The following ALG12 variants were observed in gnomAD, a reference collection of about 807,000 sequenced individuals.
The protein encoded by ALG12 is dol-P-Man:Man(7)GlcNAc(2)-PP-Dol alpha-1,6-mannosyltransferase.
A neutral mutation model predicts 46.0 loss-of-function variants in ALG12; 36 were observed. That is an observed-to-expected ratio of 0.78 (90% confidence interval 0.60 to 1.03). The LOEUF (loss-of-function observed/expected upper bound fraction) is 1.03. ALG12 is among the 50% of genes least tolerant of loss of function. The probability of loss-of-function intolerance (pLI) is 0.00; values close to 1 mark genes in which losing one functional copy is unlikely to be tolerated. For synonymous variants in ALG12, 326 were observed against 291.6 expected, an observed-to-expected ratio of 1.12 and a Z score of -1.20; for missense variants, 599 against 633.5, an observed-to-expected ratio of 0.95 and a Z score of 0.58.
the ALG12 span, among the ~76,000 whole-genome samples, chr22:49,891,406 T>G: frequency 6.6e-6 from 1 of 152,230 alleles, no homozygotes. Flanking sequence ...TTGGCTATTG[T>G]TCTGTTAATC....
At chr22:49,888,561 C>G in the ALG12 span, 3 of 167,264 alleles carry the variant, frequency 1.8e-5, no homozygotes, top group African/African-American at 7.2e-5. Flanking sequence ...TAACCCCAGA[C>G]AGGGCTCCAG....
At chr22:49,872,425 A>G in the ALG12 span, among the ~76,000 whole-genome samples, 1 of 152,116 alleles carries the variant, frequency 6.6e-6, no homozygotes, top group Admixed American at 6.5e-5. Context: ...TCCTCCATTG[A>G]AGTCTGAGCC....
chr22:49,898,530 C>T (rs9627785), downstream of ALG12, among the ~76,000 whole-genome samples: 5 of 151,854 alleles, frequency 3.3e-5, no homozygotes, highest in African/African-American at 1.2e-4. Flanking sequence ...CCTGGGATTA[C>T]AGGTGCCCGC....
chr22:49,887,626 C>G, the ALG12 span: 1 of 172,124 alleles, frequency 5.8e-6, no homozygotes, highest in African/African-American at 2.4e-5. Flanking sequence ...CAAATGAAAT[C>G]TGTAAATAGG....
chr22:49,909,184 C>G, intron 6 of ALG12, 60 bp downstream of exon 6: 1 of 1,535,052 alleles, frequency 6.5e-7, no homozygotes. Context: ...CCCATGGAGG[C>G]CCAGGAGATG....
chr22:49,885,387 A>C, the ALG12 span: 1 of 1,596,276 alleles, frequency 6.3e-7, no homozygotes, highest in Non-Finnish European at 8.6e-7. Flanking sequence ...CAGACTCCAC[A>C]AAAGTCGTGT....
Position 49,900,895 on chromosome 22 carries a change from G to T in ALG12, c.*2943C>A, listed in dbSNP as rs906715493. On this transcript the variant is annotated 3_prime_UTR_variant, in exon 10 of 10. Transcript: ENST00000330817. Reference sequence around the variant, plus strand: ...TAAAGCTCAGGCACCCCGTGGCATCGAGCACACCTCGTGTCTAGATCCCGG... The same window carrying T: ...TAAAGCTCAGGCACCCCGTGGCATCTAGCACACCTCGTGTCTAGATCCCGG... The T allele has an allele frequency of 6.6e-6, 1 of 152,290 alleles. No homozygotes were observed. Among genetic ancestry groups the T allele is most frequent in the African/African-American group, 2.4e-5 (1 of 41,452 alleles). 9.4% of individuals were successfully genotyped at this position (152,290 alleles called of 1,614,324 possible).
downstream of ALG12, chr22:49,900,163 CTAAAA>C (rs1314101357): frequency 6.6e-6 from 1 of 152,206 alleles, no homozygotes; most frequent in Non-Finnish European, 1.5e-5. Flanking sequence ...GACCCTGTCT[CTAAAA>C]CAAAACAAGC....
chr22:49,866,918 G>A, the ALG12 span, among the ~76,000 whole-genome samples: 22 of 152,244 alleles, frequency 1.4e-4, no homozygotes, highest in African/African-American at 5.1e-4. Context: ...TACCTCTTGC[G>A]CCTTCAGGAG....
At chr22:49,887,466 GGTTA>G in the ALG12 span, 1 of 296,044 alleles carries the variant, frequency 3.4e-6, no homozygotes, top group African/African-American at 2.2e-5. Flanking sequence ...TAAAGTTTTG[GGTTA>G]GTAATTTGTT....
chr22:49,905,837 C>T lies in ALG12; in HGVS notation c.993-1331G>A, dbSNP rs2060539244. 6.6e-6 allele frequency among the ~76,000 whole-genome samples: 1 copy of T among 152,152 alleles called. No homozygotes were observed. The highest frequency in any genetic ancestry group is 2.4e-5 in the African/African-American group (1 of 41,438). On this transcript the variant is annotated intron_variant, in intron 7 of 9. Coordinates refer to ENST00000330817, the MANE Select transcript of ALG12 (RefSeq NM_024105.4). The surrounding 1 kb of genome is among the most constrained non-coding windows in gnomAD (Gnocchi z 4.9). ...TGCGGTTTCTGAGCTCGAGGCCCCA[C>T]CTAGGATGACCGCAGCCTCCTAAGT...
At chr22:49,865,962 T>G in the ALG12 span, among the ~76,000 whole-genome samples, 1 of 150,642 alleles carries the variant, frequency 6.6e-6, no homozygotes, top group Non-Finnish European at 1.5e-5. Context: ...CCCTCCCGCC[T>G]CCACCTCCCG....
At chr22:49,874,314 G>A in the ALG12 span, among the ~76,000 whole-genome samples, 1 of 152,134 alleles carries the variant, frequency 6.6e-6, no homozygotes, top group Non-Finnish European at 1.5e-5. Flanking sequence ...AGAGGTAGAA[G>A]TGTTGGCAAA....
chr22:49,911,527 C>T (rs548898268), intron 3 of ALG12, among the ~76,000 whole-genome samples: 4 of 152,210 alleles, frequency 2.6e-5, no homozygotes, highest in Non-Finnish European at 4.4e-5. Flanking sequence ...CTCTGCCTTC[C>T]GGGTTCAAGC....
downstream of ALG12, among the ~76,000 whole-genome samples, chr22:49,895,436 G>A (rs1488182625): frequency 1.3e-5 from 2 of 152,142 alleles, no homozygotes; most frequent in African/African-American, 4.8e-5. Context: ...TGGATCACCT[G>A]AGGTCAGGAG....
chr22:49,912,111 C>A (rs1054782432), intron 3 of ALG12, among the ~76,000 whole-genome samples: 6 of 150,774 alleles, frequency 4.0e-5, no homozygotes, highest in Admixed American at 4.0e-4. Flanking sequence ...CCCTCGGCCC[C>A]GGGATCAGCC....
At position 49,900,991 on chromosome 22, in the gene ALG12, G is replaced by A. The variant is rs2060502112; in HGVS notation, c.*2847C>T. 1 of 152,298 alleles carries A rather than the reference G, an allele frequency of 6.6e-6. No individual in the cohort carries two copies. The highest frequency in any genetic ancestry group is 1.5e-5 in the Non-Finnish European group (1 of 68,082). The allele number at this position is 152,298 out of a possible 1,614,324, so 9.4% of individuals were successfully genotyped here. A position where few individuals can be genotyped will look rare whatever the true frequency, so the allele number is the denominator to read the frequency against. ...AATGGCCGAGGCCAGAGGCCCAAGA[G>A]GACGCCCTGCCATGCCTGGTCATGA... On this transcript the variant is annotated 3_prime_UTR_variant, in exon 10 of 10. Transcript: ENST00000330817.
At chr22:49,894,691 T>C in the ALG12 span, among the ~76,000 whole-genome samples, 4 of 152,130 alleles carry the variant, frequency 2.6e-5, no homozygotes, top group South Asian at 2.1e-4. Flanking sequence ...AGAGGAGAAA[T>C]AGACAATCAC....
At chr22:49,860,427 A>G in the ALG12 span, among the ~76,000 whole-genome samples, 8 of 152,244 alleles carry the variant, frequency 5.3e-5, no homozygotes, top group African/African-American at 1.7e-4. Context: ...TAAAATGTGC[A>G]TACAGTAGGT....
Sources: gnomAD v4.1 joint callset for allele counts (sites outside exome capture counted in the v4.1 genomes callset) on GRCh38, gnomAD v4.1.1 for gene constraint, Gnocchi (gnomAD v3.1) non-coding constraint, MANE v1.5 for transcripts, NCBI Gene and HGNC (gene_info 2026-07-23, HGNC 2026-07-21) for gene names.